Variants in BBOF1 observed in about 807,000 individuals in gnomAD.
BBOF1 encodes basal body orientation factor 1.
BBOF1 carries 62 observed loss-of-function variants against 68.0 expected under a neutral mutation model. The ratio of observed to expected loss-of-function variants is 0.91; its 90% confidence interval spans 0.74 to 1.13. The LOEUF is 1.13. Ranked by LOEUF, BBOF1 falls within the 50% of genes most tolerant of loss-of-function variation. BBOF1 has a pLI of 0.00. For missense variants in BBOF1, 534 were observed against 600.1 expected, an observed-to-expected ratio of 0.89 and a Z score of 1.15; for synonymous variants, 208 against 198.8, an observed-to-expected ratio of 1.05 and a Z score of -0.39.
chr14:74,052,886 T>C (rs2060098949), intron 8 of BBOF1, among the ~76,000 whole-genome samples: 1 of 150,650 alleles, frequency 6.6e-6, no homozygotes, highest in Non-Finnish European at 1.5e-5. Context: ...TGTAGTCCCA[T>C]CTACTCGGGA....
At chr14:74,043,831 C>T (rs899938705) in intron 5 of BBOF1, among the ~76,000 whole-genome samples, 1 of 151,762 alleles carries the variant, frequency 6.6e-6, no homozygotes, top group Admixed American at 6.6e-5. Flanking sequence ...CCACTCCTGG[C>T]CTCTACATCC....
At chr14:74,028,646 CA>C (rs1161464639) in intron 2 of BBOF1, among the ~76,000 whole-genome samples, 1 of 151,944 alleles carries the variant, frequency 6.6e-6, no homozygotes, top group Admixed American at 6.6e-5. Flanking sequence ...TAGGCCAAGG[CA>C]GGGGGATCAC....
chr14:74,064,904 G>A lies in BBOF1; in HGVS notation c.*205G>A. 6.2e-7 allele frequency: 1 copy of A among 1,613,824 alleles called. No individual in the cohort carries two copies. Among genetic ancestry groups the A allele is most frequent in the Non-Finnish European group, 8.5e-7 (1 of 1,179,854 alleles). ...GAACATTGGCAAAGGCACTGGAATG[G>A]GGACATTCACTCCCACCTAAAACAG... is the stretch of plus-strand genomic sequence containing the variant. On this transcript the variant is annotated 3_prime_UTR_variant, in exon 12 of 12. Coordinates refer to ENST00000394009, the MANE Select transcript of BBOF1 (RefSeq NM_025057.3).
intron 9 of BBOF1, among the ~76,000 whole-genome samples, chr14:74,076,790 T>G (rs1047408024): frequency 1.3e-5 from 2 of 152,148 alleles, no homozygotes; most frequent in African/African-American, 4.8e-5. Flanking sequence ...CCTCAGGTGA[T>G]CCACCCGCCT....
Position 74,064,314 on chromosome 14 carries a change from AT to A in BBOF1, c.1579-373del, listed in dbSNP as rs950129393. The stretch of plus-strand genomic sequence containing the variant: ...CTGTGTCTCAAAAAAAAAAAAAATA[AT>A]AATAATAATAGTAATAATAATGTCT... On this transcript the variant is annotated intron_variant, in intron 11 of 11. Coordinates refer to ENST00000394009, the MANE Select transcript of BBOF1 (RefSeq NM_025057.3). Among the ~76,000 whole-genome samples, 74 of 144,002 alleles carry A rather than the reference AT, an allele frequency of 5.1e-4. 1 individual carries two copies. In the East Asian group the frequency reaches 8.5e-3, roughly 16 times the overall value. 94.5% of individuals were successfully genotyped at this position (144,002 alleles called of 152,430 possible).
intron 1 of BBOF1, 77 bp from the exon 2 acceptor site, chr14:74,022,839 A>G (rs894501914): frequency 3.3e-6 from 2 of 599,666 alleles, no homozygotes; most frequent in Non-Finnish European, 5.2e-6. Context: ...TAATAGTAAT[A>G]TAATAGAGTT....
rs2059301467 is a variant in BBOF1, at chr14:74,021,684, CCAAAA to C, written c.57-1216_57-1212del. ...CTTGACTTTTTGTCCAAGACCTAGC[CCAAAA>C]CAAAACAAAACAAAAACACCATCCT... On this transcript the variant is annotated intron_variant, in intron 1 of 11. Coordinates refer to ENST00000394009, the MANE Select transcript of BBOF1 (RefSeq NM_025057.3). Among the ~76,000 whole-genome samples the C allele has an allele frequency of 1.3e-5, 2 of 151,888 alleles. 1 individual carries two copies. The highest frequency in any genetic ancestry group is 4.1e-4 in the South Asian group (2 of 4,824).
chr14:74,067,699 G>A, downstream of BBOF1: 1 of 986,828 alleles, frequency 1.0e-6, no homozygotes, highest in Non-Finnish European at 1.6e-6. Flanking sequence ...GAGGTGAGAA[G>A]GATAACTTGA....
At chr14:74,067,571 T>TAA (rs528185481), downstream of BBOF1, 11 of 1,562,722 alleles carry the variant, frequency 7.0e-6, no homozygotes, top group African/African-American at 1.4e-5. Flanking sequence ...CTTGGCTCCC[T>TAA]AAAAAAAAAT....
At chr14:74,060,408 G>T in intron 11 of BBOF1, 1 of 520,224 alleles carries the variant, frequency 1.9e-6, no homozygotes, top group Non-Finnish European at 3.5e-6. Context: ...GCATTTCATA[G>T]TTACAACAGT....
At chr14:74,078,107 T>C (rs1397566836) in intron 9 of BBOF1, 1 of 437,750 alleles carries the variant, frequency 2.3e-6, no homozygotes. Context: ...ATTTTCACTC[T>C]TTGCTATTCC....
intron 2 of BBOF1, among the ~76,000 whole-genome samples, chr14:74,027,120 T>G (rs1350367992): frequency 1.7e-5 from 2 of 117,470 alleles, no homozygotes; most frequent in African/African-American, 6.7e-5. Flanking sequence ...AGAGTCTCGC[T>G]CTGTCACCCA....
chr14:74,043,556 CAAAAAAAAA>C (rs1162364604), intron 5 of BBOF1, among the ~76,000 whole-genome samples: 1 of 26,824 alleles, frequency 3.7e-5, no homozygotes, highest in Admixed American at 5.8e-4. Context: ...GACTCCGTCT[CAAAAAAAAA>C]AAAAAAAAAA....
At chr14:74,042,111 G>C (rs549826857) in intron 5 of BBOF1, among the ~76,000 whole-genome samples, 1 of 152,214 alleles carries the variant, frequency 6.6e-6, no homozygotes, top group Non-Finnish European at 1.5e-5. Context: ...CTGGGCTCCA[G>C]CAATCCTTCT....
intron 9 of BBOF1, 92 bp downstream of exon 9, chr14:74,055,777 A>C (rs766534713): frequency 2.0e-5 from 19 of 959,986 alleles, no homozygotes; most frequent in Non-Finnish European, 2.9e-5. Context: ...ACTTAGAACT[A>C]AAGGGACGGG....
At chr14:74,050,743 T>C (rs1418821982) in intron 8 of BBOF1, among the ~76,000 whole-genome samples, 2 of 152,210 alleles carry the variant, frequency 1.3e-5, no homozygotes, top group Non-Finnish European at 2.9e-5. Context: ...TTTGTACCGT[T>C]TACTATCCTG....
chr14:74,044,288 C>A (rs975568197), intron 5 of BBOF1, among the ~76,000 whole-genome samples: 5 of 151,238 alleles, frequency 3.3e-5, no homozygotes, highest in Non-Finnish European at 7.4e-5. Context: ...AATAATAAAA[C>A]GACCTCCTCT....
In BBOF1 at chr14:74,019,391, C is replaced by G. The variant is rs1246593747; in HGVS notation, c.-88C>G. ...AGCGGCGCGGGTGGGGCATTGCCAGCTCGGCGTCCCGGTTCCCTTGGAGAC... is the reference window on the plus strand; with the variant it reads ...AGCGGCGCGGGTGGGGCATTGCCAGGTCGGCGTCCCGGTTCCCTTGGAGAC... On this transcript the variant is annotated 5_prime_UTR_variant, in exon 1 of 12. Coordinates refer to ENST00000394009, the MANE Select transcript of BBOF1 (RefSeq NM_025057.3). The G allele has an allele frequency of 1.4e-5, 21 of 1,493,838 alleles. No individual in the cohort carries two copies. In the Admixed American group the frequency reaches 4.0e-4, roughly 28 times the overall value. The allele number at this position is 1,493,838 out of a possible 1,614,324, so 92.5% of individuals were successfully genotyped here.
At chr14:74,051,107 G>C (rs984176564) in intron 8 of BBOF1, among the ~76,000 whole-genome samples, 26 of 152,208 alleles carry the variant, frequency 1.7e-4, no homozygotes, top group African/African-American at 5.8e-4. Flanking sequence ...AGCTGGGCAT[G>C]GTGGCACATT....
Sources: gnomAD v4.1 joint callset for allele counts (sites outside exome capture counted in the v4.1 genomes callset) on GRCh38, gnomAD v4.1.1 for gene constraint, MANE v1.5 for transcripts, NCBI Gene and HGNC (gene_info 2026-07-23, HGNC 2026-07-21) for gene names.